BCKDHB: variants seen among roughly 807,000 people sequenced by gnomAD.
The protein encoded by BCKDHB is branched chain keto acid dehydrogenase E1 subunit beta.
Under a neutral mutation model 48.5 loss-of-function variants are expected in BCKDHB, and 41 were observed. That is an observed-to-expected ratio of 0.85 (90% CI 0.66 to 1.10). The LOEUF is 1.10. Ranked by LOEUF, BCKDHB falls within the 50% of genes least tolerant of loss-of-function variation. BCKDHB has a pLI of 0.00. For synonymous variants in BCKDHB, 201 were observed against 174.8 expected (o/e 1.15, Z -1.18); for missense variants, 496 against 494.2 (o/e 1.00, Z -0.03).
At chr6:80,160,258 G>T (rs1337274271) in intron 3 of BCKDHB, among the ~76,000 whole-genome samples, 1 of 152,040 alleles carries the variant, frequency 6.6e-6, no homozygotes, top group Non-Finnish European at 1.5e-5. Flanking sequence ...CTGGGTTCAA[G>T]CGATTCTCCT....
chr6:80,128,108 A>G (rs1207711334), intron 2 of BCKDHB, among the ~76,000 whole-genome samples: 2 of 151,794 alleles, frequency 1.3e-5, no homozygotes, highest in Non-Finnish European at 2.9e-5. Flanking sequence ...TTGTTCTTCC[A>G]CTGTATGTTT....
chr6:80,418,185 C>T, the BCKDHB span, among the ~76,000 whole-genome samples: 1 of 152,132 alleles, frequency 6.6e-6, no homozygotes, highest in Non-Finnish European at 1.5e-5. Context: ...TCTATCAGGT[C>T]GTTTGTTTTA....
chr6:80,449,557 T>C, the BCKDHB span, among the ~76,000 whole-genome samples: 10 of 152,360 alleles, frequency 6.6e-5, no homozygotes, highest in Admixed American at 5.2e-4. Context: ...TTCTCTATTC[T>C]CCATATTTCC....
chr6:80,281,741 T>G (rs1778202826), intron 9 of BCKDHB, among the ~76,000 whole-genome samples: 1 of 152,156 alleles, frequency 6.6e-6, no homozygotes, highest in South Asian at 2.1e-4. Flanking sequence ...CTCTCCTCCC[T>G]GCCCCTCTCC....
intron 9 of BCKDHB, among the ~76,000 whole-genome samples, chr6:80,323,036 A>G (rs1362348047): frequency 6.6e-6 from 1 of 152,022 alleles, no homozygotes; most frequent in Non-Finnish European, 1.5e-5. Flanking sequence ...GACAGAGCTG[A>G]TTTCAGATAC....
chr6:80,271,545 A>G (rs1309773372), intron 8 of BCKDHB, among the ~76,000 whole-genome samples: 2 of 152,162 alleles, frequency 1.3e-5, no homozygotes, highest in African/African-American at 2.4e-5. Context: ...TTGATTTTGG[A>G]TAGGCCTGAG....
At chr6:80,126,865 C>G (rs929688099) in intron 1 of BCKDHB, among the ~76,000 whole-genome samples, 1 of 152,068 alleles carries the variant, frequency 6.6e-6, no homozygotes, top group African/African-American at 2.4e-5. Context: ...GAGTCCAGAA[C>G]CTAACAATGA....
chr6:80,152,470 G>T (rs1343239784), intron 3 of BCKDHB, among the ~76,000 whole-genome samples: 1 of 152,122 alleles, frequency 6.6e-6, no homozygotes, highest in African/African-American at 2.4e-5. Context: ...AGGCTAACAA[G>T]CTTAAATAGT....
At position 80,249,062 on chromosome 6, in the gene BCKDHB, ACC is replaced by A. The variant is rs112465196; in HGVS notation, c.952-24072_952-24071del. Among the ~76,000 whole-genome samples the A allele has an allele frequency of 9.4e-3, 1,430 of 152,052 alleles. 28 individuals carry two copies. Among genetic ancestry groups the A allele is most frequent in the African/African-American group, 0.033 (1,361 of 41,480 alleles). The stretch of plus-strand genomic sequence containing the variant: ...GACAACCATAGGCTGGAACTTCTTA[ACC>A]ATGTTAACATGAATTTATAGTTTGT... On this transcript the variant is annotated intron_variant, in intron 8 of 9. Coordinates refer to ENST00000320393, the MANE Select transcript of BCKDHB (RefSeq NM_183050.4).
At chr6:80,447,497 A>G in the BCKDHB span, among the ~76,000 whole-genome samples, 1 of 150,366 alleles carries the variant, frequency 6.7e-6, no homozygotes, top group African/African-American at 2.4e-5. Context: ...CTATTTATAT[A>G]TATATAACCA....
intron 7 of BCKDHB, among the ~76,000 whole-genome samples, chr6:80,201,508 A>G (rs1774393428): frequency 6.6e-6 from 1 of 152,158 alleles, no homozygotes; most frequent in African/African-American, 2.4e-5. Flanking sequence ...TATTACAACA[A>G]TGTATTAATT....
chr6:80,198,639 A>G (rs1038360491), intron 6 of BCKDHB, among the ~76,000 whole-genome samples: 2 of 152,248 alleles, frequency 1.3e-5, no homozygotes, highest in African/African-American at 4.8e-5. Context: ...TGACATGGAA[A>G]TATGGTCAAG....
At chr6:80,268,882 GTTAAAACTACA>G (rs1174985327) in intron 8 of BCKDHB, among the ~76,000 whole-genome samples, 1 of 151,992 alleles carries the variant, frequency 6.6e-6, no homozygotes, top group Non-Finnish European at 1.5e-5. Flanking sequence ...ATATCTTATT[GTTAAAACTACA>G]TTAAAATACC....
chr6:80,437,859 A>G, the BCKDHB span, among the ~76,000 whole-genome samples: 1 of 152,204 alleles, frequency 6.6e-6, no homozygotes, highest in Non-Finnish European at 1.5e-5. Context: ...AATCCAAATG[A>G]CAGAGAAGTA....
chr6:80,229,464 G>A (rs955502474), intron 8 of BCKDHB, among the ~76,000 whole-genome samples: 33 of 152,172 alleles, frequency 2.2e-4, no homozygotes, highest in African/African-American at 6.3e-4. Flanking sequence ...AATAAGCTTG[G>A]TGTGGTTGTA....
At chr6:80,318,416 G>T (rs1422286089) in intron 9 of BCKDHB, among the ~76,000 whole-genome samples, 3 of 152,168 alleles carry the variant, frequency 2.0e-5, no homozygotes, top group African/African-American at 7.2e-5. Flanking sequence ...GCTAGGCGTG[G>T]TGGCTCATGT....
chr6:80,198,933 T>G (rs1774255353), intron 6 of BCKDHB, among the ~76,000 whole-genome samples: 1 of 152,124 alleles, frequency 6.6e-6, no homozygotes, highest in South Asian at 2.1e-4. Context: ...CCCAAATAAC[T>G]GGTTCTGCAA....
At chr6:80,350,392 GTT>G (rs59773931), downstream of BCKDHB, among the ~76,000 whole-genome samples, 1 of 149,742 alleles carries the variant, frequency 6.7e-6, no homozygotes, top group African/African-American at 2.4e-5. Context: ...AAAATAGTGG[GTT>G]TTTTTTTTCC....
At chr6:80,131,893 G>A (rs1284887335) in intron 3 of BCKDHB, among the ~76,000 whole-genome samples, 1 of 151,926 alleles carries the variant, frequency 6.6e-6, no homozygotes, top group African/African-American at 2.4e-5. Flanking sequence ...CACCTGCCTC[G>A]GCCTCCCTAA....
Sources: gnomAD v4.1 joint callset for allele counts (sites outside exome capture counted in the v4.1 genomes callset) on GRCh38, gnomAD v4.1.1 for gene constraint, MANE v1.5 for transcripts, NCBI Gene and HGNC (gene_info 2026-07-23, HGNC 2026-07-21) for gene names.